MGAT4C: variants seen among roughly 807,000 people sequenced by gnomAD.
MGAT4C encodes the protein MGAT4 family member C.
In MGAT4C, 19 loss-of-function variants were observed where a neutral mutation model predicts 40.1. The observed-to-expected ratio is 0.47, with a 90% confidence interval of 0.33 to 0.70. The LOEUF (loss-of-function observed/expected upper bound fraction) is 0.70, where lower values mean the gene tolerates loss of function less well. MGAT4C is among the 30% of genes least tolerant of loss of function. The pLI, the probability that MGAT4C is intolerant of heterozygous loss-of-function variation, is 0.02. For synonymous variants in MGAT4C, 181 were observed against 187.1 expected, an observed-to-expected ratio of 0.97 and a Z score of 0.27; for missense variants, 491 against 563.2, an observed-to-expected ratio of 0.87 and a Z score of 1.30.
chr12:86,712,312 C>T (rs1042796031), intron 2 of MGAT4C, among the ~76,000 whole-genome samples: 1 of 151,822 alleles, frequency 6.6e-6, no homozygotes, highest in Non-Finnish European at 1.5e-5. Flanking sequence ...AAAAGGATGG[C>T]ATAGGGAGCA....
intron 2 of MGAT4C, among the ~76,000 whole-genome samples, chr12:86,649,888 C>T (rs933212285): frequency 1.3e-5 from 2 of 151,696 alleles, no homozygotes; most frequent in Non-Finnish European, 2.9e-5. Flanking sequence ...TAAATTAGAA[C>T]ATTTAAAACA....
At chr12:86,599,964 G>T (rs1961703189) in intron 2 of MGAT4C, among the ~76,000 whole-genome samples, 1 of 151,540 alleles carries the variant, frequency 6.6e-6, no homozygotes, top group South Asian at 2.1e-4. Context: ...TGCAGTCCAG[G>T]GAAGGATATT....
chr12:86,383,572 A>C (rs866522208), intron 3 of MGAT4C, among the ~76,000 whole-genome samples: 5 of 151,210 alleles, frequency 3.3e-5, no homozygotes, highest in Admixed American at 2.0e-4. Flanking sequence ...AAAAAAAAAA[A>C]AAAACAGAAA....
At chr12:86,214,111 C>T (rs979556745) in intron 1 of MGAT4C, among the ~76,000 whole-genome samples, 5 of 152,204 alleles carry the variant, frequency 3.3e-5, no homozygotes, top group African/African-American at 1.2e-4. Context: ...TTAGCTGGGA[C>T]TACACTTCCA....
intron 2 of MGAT4C, among the ~76,000 whole-genome samples, chr12:86,690,768 C>G (rs1950158780): frequency 1.3e-5 from 2 of 152,120 alleles, no homozygotes; most frequent in African/African-American, 4.8e-5. Flanking sequence ...CTGGAAAGAC[C>G]AATCTCAACT....
intron 1 of MGAT4C, among the ~76,000 whole-genome samples, chr12:86,059,609 CTAAGGA>C (rs1245392364): frequency 6.6e-6 from 1 of 152,184 alleles, no homozygotes; most frequent in Admixed American, 6.5e-5. Flanking sequence ...TCAGAGCAGA[CTAAGGA>C]TATTAAAAGC....
chr12:86,529,222 G>A (rs1314700807), intron 2 of MGAT4C, among the ~76,000 whole-genome samples: 1 of 152,086 alleles, frequency 6.6e-6, no homozygotes, highest in African/African-American at 2.4e-5. Flanking sequence ...TGCTTGGCGA[G>A]AAGTATCTCC....
chr12:86,189,329 G>A (rs1419127006), intron 1 of MGAT4C, among the ~76,000 whole-genome samples: 1 of 151,712 alleles, frequency 6.6e-6, no homozygotes, highest in Admixed American at 6.6e-5. Flanking sequence ...TATTTGTTAA[G>A]GTAACTGGAT....
chr12:86,522,154 T>G (rs1958805652), intron 2 of MGAT4C, among the ~76,000 whole-genome samples: 1 of 152,098 alleles, frequency 6.6e-6, no homozygotes, highest in Admixed American at 6.6e-5. Context: ...ATAGGAGTGG[T>G]GAGAGAGGAT....
chr12:86,088,680 T>C (rs577959086), intron 1 of MGAT4C, among the ~76,000 whole-genome samples: 1 of 152,070 alleles, frequency 6.6e-6, no homozygotes, highest in Admixed American at 6.6e-5. Context: ...GGCAATGGGA[T>C]ACCATCTCAT....
intron 1 of MGAT4C, among the ~76,000 whole-genome samples, chr12:86,819,969 T>C (rs569269668): frequency 6.6e-6 from 1 of 150,910 alleles, no homozygotes; most frequent in Non-Finnish European, 1.5e-5. Flanking sequence ...TATTTAAGCA[T>C]GATCCTTTGT....
At chr12:86,017,854 C>T (rs1425521182) in intron 2 of MGAT4C, among the ~76,000 whole-genome samples, 1 of 152,096 alleles carries the variant, frequency 6.6e-6, no homozygotes, top group Non-Finnish European at 1.5e-5. Context: ...AATCATTGCT[C>T]ATGAAGGCAG....
chr12:86,609,754 T>C lies in MGAT4C; in HGVS notation c.-229+117455A>G, dbSNP rs1161277002. ...AAGATTTTTTTTTTTGAGAAATATG[T>C]ACAGTTTTACCTCCTATGCTAAATA... On this transcript the variant is annotated intron_variant, in intron 2 of 7. Transcript: ENST00000548651. Among the ~76,000 whole-genome samples, 8 of 150,844 alleles carry C rather than the reference T, an allele frequency of 5.3e-5. 1 individual carries two copies. Among genetic ancestry groups the C allele is most frequent in the South Asian group, 4.2e-4 (2 of 4,754 alleles).
intron 2 of MGAT4C, among the ~76,000 whole-genome samples, chr12:86,638,669 C>T (rs907558521): frequency 1.3e-5 from 2 of 151,768 alleles, no homozygotes; most frequent in African/African-American, 4.8e-5. Flanking sequence ...TGCCAGGTAA[C>T]AGCTCTGTAA....
rs751790011 is a variant in MGAT4C at position 85,979,524 on chromosome 12, C to T, written c.1202G>A (p.Arg401Gln). ...TCCATGATGCAAAATATCATTTTGCCGATCTTCTGTTCCAGTATTTACTTT... is the reference window on the plus strand; with the variant it reads ...TCCATGATGCAAAATATCATTTTGCTGATCTTCTGTTCCAGTATTTACTTT... Reference protein sequence around the residue: ...KIKVNTGTEDRQNDILHHGAL... With the variant: ...KIKVNTGTEDQQNDILHHGAL... Residue 401 changes from arginine to glutamine, a missense_variant, in exon 5 of 5, where the codon CGG becomes CAG. Coordinates refer to ENST00000611864, the MANE Select transcript of MGAT4C (RefSeq NM_001351288.2). The T allele has an allele frequency of 2.2e-4, 358 of 1,611,710 alleles. No individual in the cohort carries two copies. Among genetic ancestry groups the T allele is most frequent in the Non-Finnish European group, 2.9e-4 (345 of 1,178,590 alleles).
At chr12:86,265,551 G>A (rs527657117) in intron 4 of MGAT4C, among the ~76,000 whole-genome samples, 1 of 152,240 alleles carries the variant, frequency 6.6e-6, no homozygotes, top group South Asian at 2.1e-4. Context: ...GTACCACGTT[G>A]TTCTAAGCCT....
chr12:86,466,871 A>G (rs569703737), intron 2 of MGAT4C, among the ~76,000 whole-genome samples: 175 of 152,322 alleles, frequency 1.1e-3, no homozygotes, highest in African/African-American at 4.1e-3. Context: ...TTATTTCTAC[A>G]TGATGCTTAA....
chr12:86,362,425 A>T (rs1288098099), intron 3 of MGAT4C, among the ~76,000 whole-genome samples: 1 of 152,162 alleles, frequency 6.6e-6, no homozygotes, highest in Non-Finnish European at 1.5e-5. Flanking sequence ...AACATGGCAC[A>T]TATATGTAGA....
At chr12:86,627,341 C>T (rs1962849405) in intron 2 of MGAT4C, among the ~76,000 whole-genome samples, 2 of 152,206 alleles carry the variant, frequency 1.3e-5, no homozygotes. Context: ...TTAAACATCC[C>T]TCTCTGACAG....
Sources: allele counts gnomAD v4.1 joint callset (sites outside exome capture counted in the v4.1 genomes callset), GRCh38; gene constraint gnomAD v4.1.1; transcripts MANE v1.5; gene names NCBI Gene and HGNC (gene_info 2026-07-23, HGNC 2026-07-21).